NDUFAF8: variants seen among roughly 807,000 people sequenced by gnomAD.
NDUFAF8 encodes the protein NADH:ubiquinone oxidoreductase complex assembly factor 8.
NDUFAF8 carries 9 observed loss-of-function variants against 9.9 expected under a neutral mutation model. The ratio of observed to expected loss-of-function variants is 0.91; its 90% CI spans 0.55 to 1.59. The LOEUF is 1.59. Ranked by LOEUF, NDUFAF8 falls within the 40% of genes most tolerant of loss-of-function variation. The pLI, the probability that NDUFAF8 is intolerant of heterozygous loss-of-function variation, is 0.00. For synonymous variants in NDUFAF8, 63 were observed against 51.2 expected, an observed-to-expected ratio of 1.23 and a Z score of -0.98; for missense variants, 114 against 113.8, an observed-to-expected ratio of 1.00 and a Z score of -0.01.
At position 81,240,738 on chromosome 17, in the gene NDUFAF8, TG is replaced by T. The variant is rs749399046; in HGVS notation, c.196-244del. ...GCTTGAGACCAAATGTGGCATCTCG[TG>T]GGGGCTCAGAGGAGGGGGCAGCAGT... On this transcript the variant is annotated intron_variant, in intron 2 of 2. Coordinates refer to ENST00000431388, the MANE Select transcript of NDUFAF8 (RefSeq NM_001086521.2). Among the ~76,000 whole-genome samples the T allele has an allele frequency of 1.6e-3, 240 of 149,944 alleles. 1 individual carries two copies. Among genetic ancestry groups the T allele is most frequent in the Admixed American group, 4.2e-3 (63 of 15,092 alleles).
In NDUFAF8 at chr17:81,239,360, G is replaced by C; in HGVS notation, c.-4G>C. 2 of 1,364,894 alleles carry C rather than the reference G, an allele frequency of 1.5e-6. No homozygotes were observed. The highest frequency in any genetic ancestry group is 1.9e-6 in the Non-Finnish European group (2 of 1,058,114). The allele number at this position is 1,364,894 out of a possible 1,614,324, so 84.5% of individuals were successfully genotyped here. On this transcript the variant is annotated 5_prime_UTR_variant, in exon 1 of 3. Coordinates refer to ENST00000431388, the MANE Select transcript of NDUFAF8 (RefSeq NM_001086521.2). ...GGCCTCCAGGGGGCTGGGAATAGCC[G>C]CTCATGTCGGCTAACGGAGCGGTGT...
chr17:81,239,442 G>A lies in NDUFAF8; in HGVS notation c.79G>A (p.Ala27Thr), dbSNP rs2062789315. 7 of 1,366,196 alleles carry A rather than the reference G, an allele frequency of 5.1e-6. No individual in the cohort carries two copies. Among genetic ancestry groups the A allele is most frequent in the Middle Eastern group, 2.7e-4 (1 of 3,672 alleles). The allele number at this position is 1,366,196 out of a possible 1,614,324, so 84.6% of individuals were successfully genotyped here. Residue 27 changes from alanine to threonine, a missense_variant, in exon 1 of 3, where the codon GCC (alanine) becomes ACC (threonine). Coordinates refer to ENST00000431388, the MANE Select transcript of NDUFAF8 (RefSeq NM_001086521.2). Reference sequence around the variant, plus strand: ...CCCCGAGCGGCTGGCCGCCTGCGGGGCCGAGGTGAGGAGCCGCGGGCGGGC... The same window carrying A: ...CCCCGAGCGGCTGGCCGCCTGCGGGACCGAGGTGAGGAGCCGCGGGCGGGC... ...AFPERLAACG[A>T]EAAAYGRCVQ...
At chr17:81,239,828 A>G in intron 2 of NDUFAF8, 150 bp downstream of exon 2, 1 of 885,572 alleles carries the variant, frequency 1.1e-6, no homozygotes, top group Non-Finnish European at 1.7e-6. Context: ...CGAGCCATCG[A>G]CGAGCCCGCG....
chr17:81,240,151 C>CG, intron 2 of NDUFAF8: 1 of 196,794 alleles, frequency 5.1e-6, no homozygotes, highest in Non-Finnish European at 1.1e-5. Flanking sequence ...GGCTTCTTGC[C>CG]CGTGGGGCTT....
rs542088980 is a variant in NDUFAF8, at chr17:81,239,705, C to T, written c.195+27C>T. ...TAGGTGGGCGCGGGCCCCTTCCCCC[C>T]TTCCCAGCCCTTCCCCTCCAAGAGC... On this transcript the variant is annotated intron_variant, in intron 2 of 2. Transcript: ENST00000431388. The T allele has an allele frequency of 2.9e-4, 448 of 1,523,724 alleles. No homozygotes were observed. The African/African-American group carries it at 5.5e-3, about 19-fold the overall frequency. 94.4% of individuals were successfully genotyped at this position (1,523,724 alleles called of 1,614,324 possible).
chr17:81,240,856 C>T (rs963244732), intron 2 of NDUFAF8, 131 bp from the exon 3 acceptor site: 28 of 1,216,696 alleles, frequency 2.3e-5, no homozygotes, highest in African/African-American at 3.0e-5. Flanking sequence ...CCAGTCGAGC[C>T]CCCACCATAT....
Position 81,239,393 on chromosome 17 carries a change from C to T in NDUFAF8, c.30C>T (p.Arg10=), listed in dbSNP as rs958426509. ...CGGCTAACGGAGCGGTGTGGGGCCGCGTGCGAAGCCGCCTCCGCGCCTTCC... is the reference window on the plus strand; with the variant it reads ...CGGCTAACGGAGCGGTGTGGGGCCGTGTGCGAAGCCGCCTCCGCGCCTTCC... MSANGAVWG[R]VRSRLRAFPE... The change falls in exon 1 of 3, where the codon CGC becomes CGT. Residue 10 remains arginine, a synonymous_variant. Coordinates refer to ENST00000431388, the MANE Select transcript of NDUFAF8 (RefSeq NM_001086521.2). The T allele has an allele frequency of 3.7e-6, 5 of 1,366,558 alleles. No individual in the cohort carries two copies. Among genetic ancestry groups the T allele is most frequent in the African/African-American group, 1.5e-5 (1 of 64,930 alleles). The allele number at this position is 1,366,558 out of a possible 1,614,324, so 84.7% of individuals were successfully genotyped here.
intron 2 of NDUFAF8, 66 bp downstream of exon 2, chr17:81,239,744 C>A: frequency 6.9e-7 from 1 of 1,447,680 alleles, no homozygotes; most frequent in Non-Finnish European, 9.3e-7. Flanking sequence ...CGGGCCCCGG[C>A]TTTCCTTTGC....
Position 81,241,294 on chromosome 17 carries a change from C to T in NDUFAF8, c.*278C>T, listed in dbSNP as rs2062815647. The T allele has an allele frequency of 1.3e-5, 12 of 897,058 alleles. No individual in the cohort carries two copies. In the South Asian group the frequency reaches 2.9e-4, roughly 22 times the overall value. The allele number at this position is 897,058 out of a possible 1,614,324, so 55.6% of individuals were successfully genotyped here. On this transcript the variant is annotated 3_prime_UTR_variant, in exon 3 of 3. Transcript: ENST00000431388. ...GTCAAATCCTGCAGCCTGGGGCTTA[C>T]TGTGTGCAGACTGCAACATGTGGGT...
intron 2 of NDUFAF8, 148 bp downstream of exon 2, chr17:81,239,826 C>A: frequency 1.1e-6 from 1 of 888,648 alleles, no homozygotes; most frequent in South Asian, 1.7e-5. Flanking sequence ...ACCGAGCCAT[C>A]GACGAGCCCG....
At position 81,241,023 on chromosome 17, in the gene NDUFAF8, C is replaced by T. The variant is rs1316516733; in HGVS notation, c.*7C>T. The T allele has an allele frequency of 1.2e-6, 2 of 1,613,030 alleles. No homozygotes were observed. The highest frequency in any genetic ancestry group is 3.3e-5 in the Admixed American group (2 of 59,872). On this transcript the variant is annotated 3_prime_UTR_variant, in exon 3 of 3. Coordinates refer to ENST00000431388, the MANE Select transcript of NDUFAF8 (RefSeq NM_001086521.2). Reference sequence around the variant, plus strand: ...GCTGGAGGGAGGCTGTTAGGAGGGACTCTGAGCTTCACACCTGTCTGCTGC... The same window carrying T: ...GCTGGAGGGAGGCTGTTAGGAGGGATTCTGAGCTTCACACCTGTCTGCTGC...
chr17:81,240,050 C>A, intron 2 of NDUFAF8: 1 of 299,580 alleles, frequency 3.3e-6, no homozygotes, highest in Non-Finnish European at 6.4e-6. Context: ...ACCTCCCTGG[C>A]ACTTGCAGCC....
chr17:81,240,423 C>T (rs1234868472), intron 2 of NDUFAF8: 2 of 153,406 alleles, frequency 1.3e-5, no homozygotes, highest in African/African-American at 4.8e-5. Flanking sequence ...GTAATCCTAC[C>T]GCTTTGGGAG....
At position 81,241,182 on chromosome 17, in the gene NDUFAF8, G is replaced by T. The variant is rs928539131; in HGVS notation, c.*166G>T. On this transcript the variant is annotated 3_prime_UTR_variant, in exon 3 of 3. Coordinates refer to ENST00000431388, the MANE Select transcript of NDUFAF8 (RefSeq NM_001086521.2). ...CTGTTTTTTCTTAACAAGTTGAGGCGTGGGTAGAGCAGGAATTGGTTTTCC... is the reference window on the plus strand; with the variant it reads ...CTGTTTTTTCTTAACAAGTTGAGGCTTGGGTAGAGCAGGAATTGGTTTTCC... The T allele has an allele frequency of 7.2e-7, 1 of 1,398,258 alleles. No individual in the cohort carries two copies. Among genetic ancestry groups the T allele is most frequent in the Non-Finnish European group, 9.3e-7 (1 of 1,072,688 alleles). The allele number at this position is 1,398,258 out of a possible 1,614,324, so 86.6% of individuals were successfully genotyped here.
chr17:81,241,256 C>A lies in NDUFAF8; in HGVS notation c.*240C>A. ...TTAGAATAAGATGTAACGGAAGCCACGATAAAGACTCGGTCAAATCCTGCA... is the reference window on the plus strand; with the variant it reads ...TTAGAATAAGATGTAACGGAAGCCAAGATAAAGACTCGGTCAAATCCTGCA... On this transcript the variant is annotated 3_prime_UTR_variant, in exon 3 of 3. Coordinates refer to ENST00000431388, the MANE Select transcript of NDUFAF8 (RefSeq NM_001086521.2). The A allele has an allele frequency of 1.7e-6, 2 of 1,211,522 alleles. No homozygotes were observed. The highest frequency in any genetic ancestry group is 2.1e-6 in the Non-Finnish European group (2 of 935,454). The allele number at this position is 1,211,522 out of a possible 1,614,324, so 75.0% of individuals were successfully genotyped here.
chr17:81,239,499 G>T, intron 1 of NDUFAF8, 52 bp downstream of exon 1: 1 of 1,428,862 alleles, frequency 7.0e-7, no homozygotes, highest in African/African-American at 1.5e-5. Context: ...GCCGCGCGGG[G>T]AGGTGGCTGG....
intron 2 of NDUFAF8, chr17:81,240,098 T>G (rs971505951): frequency 4.3e-6 from 1 of 233,314 alleles, no homozygotes; most frequent in East Asian, 1.7e-4. Flanking sequence ...TCAGCACGTG[T>G]CCTGCGGGGA....
chr17:81,239,930 G>A, intron 2 of NDUFAF8: 1 of 566,030 alleles, frequency 1.8e-6, no homozygotes, highest in Non-Finnish European at 3.1e-6. Flanking sequence ...GCAAAAAAGC[G>A]CCTTGTAAAA....
rs967211081 is a variant in NDUFAF8 at position 81,241,155 on chromosome 17, T to G, written c.*139T>G. On this transcript the variant is annotated 3_prime_UTR_variant, in exon 3 of 3. Coordinates refer to ENST00000431388, the MANE Select transcript of NDUFAF8 (RefSeq NM_001086521.2). The stretch of plus-strand genomic sequence containing the variant: ...AGATGTGACATTCCTCGGTGTTAGA[T>G]CCTGTTTTTTCTTAACAAGTTGAGG... 1.4e-5 allele frequency: 19 copies of G among 1,405,930 alleles called. No homozygotes were observed. In the African/African-American group the frequency reaches 1.7e-4, roughly 13 times the overall value. 87.1% of individuals were successfully genotyped at this position (1,405,930 alleles called of 1,614,324 possible). A position where few individuals can be genotyped will look rare whatever the true frequency, so the allele number is the denominator to read the frequency against.
Sources: gnomAD v4.1 joint callset for allele counts (sites outside exome capture counted in the v4.1 genomes callset) on GRCh38, gnomAD v4.1.1 for gene constraint, MANE v1.5 for transcripts, NCBI Gene and HGNC (gene_info 2026-07-23, HGNC 2026-07-21) for gene names.